The following PTPN14 variants were observed in gnomAD, a reference collection of about 807,000 sequenced individuals.
PTPN14 encodes the protein protein tyrosine phosphatase non-receptor type 14.
Under a neutral mutation model 126.8 loss-of-function variants are expected in PTPN14, and 53 were observed. The ratio of observed to expected loss-of-function variants is 0.42; its 90% CI spans 0.34 to 0.53. PTPN14 has a LOEUF of 0.53. Ranked by LOEUF, PTPN14 falls within the 20% of genes least tolerant of loss-of-function variation. The pLI is 0.08. For synonymous variants in PTPN14, 630 were observed against 599.3 expected, an observed-to-expected ratio of 1.05 and a Z score of -0.75; for missense variants, 1,257 against 1,552.9, an observed-to-expected ratio of 0.81 and a Z score of 3.20.
chr1:214,368,983 GA>G (rs1308271953), intron 17 of PTPN14, among the ~76,000 whole-genome samples: 3 of 152,082 alleles, frequency 2.0e-5, no homozygotes, highest in Non-Finnish European at 4.4e-5. Flanking sequence ...CTCCGCCTCA[GA>G]AAAAAATTTG....
intron 1 of PTPN14, among the ~76,000 whole-genome samples, chr1:214,484,312 G>A (rs1280327663): frequency 1.3e-5 from 2 of 152,234 alleles, no homozygotes; most frequent in African/African-American, 4.8e-5. Context: ...GCTGGGGCAA[G>A]AGAATAGCTT....
intron 1 of PTPN14, among the ~76,000 whole-genome samples, chr1:214,505,746 A>T (rs755167381): frequency 6.6e-6 from 1 of 152,134 alleles, no homozygotes. Flanking sequence ...AACTTTTTAA[A>T]ATTAGCCGAG....
intron 1 of PTPN14, among the ~76,000 whole-genome samples, chr1:214,527,906 T>A (rs1263541804): frequency 1.3e-5 from 2 of 152,226 alleles, no homozygotes; most frequent in Non-Finnish European, 2.9e-5. Context: ...GAAAGAAGAA[T>A]GGTTACAATA....
In PTPN14 at chr1:214,369,594, C is replaced by G; in HGVS notation, c.3134G>C (p.Arg1045Pro). The G allele has an allele frequency of 6.2e-7, 1 of 1,614,140 alleles. No homozygotes were observed. Among genetic ancestry groups the G allele is most frequent in the Non-Finnish European group, 8.5e-7 (1 of 1,180,036 alleles). Residue 1045 changes from arginine to proline, a missense_variant, in exon 17 of 19, where the codon CGA becomes CCA. Around this residue, in one of 3 missense-constraint regions of PTPN14, gnomAD observed 171 missense variants for 229.8 expected, o/e 0.74. Transcript: ENST00000366956. The part of the protein sequence containing the change: ...YGKFKVTTKF[R>P]TDSVCYATTG... ...GGTTGCATAGCAAACAGAATCCGTTCGAAACTTCGTGGTGACCTTGAACTT... is the reference window on the plus strand; with the variant it reads ...GGTTGCATAGCAAACAGAATCCGTTGGAAACTTCGTGGTGACCTTGAACTT...
intron 1 of PTPN14, among the ~76,000 whole-genome samples, chr1:214,522,908 G>T (rs1655294135): frequency 6.6e-6 from 1 of 152,194 alleles, no homozygotes; most frequent in Non-Finnish European, 1.5e-5. Flanking sequence ...GGCAAGATAA[G>T]ACTGAGGAGA....
chr1:214,527,931 AC>A (rs1655441650), intron 1 of PTPN14, among the ~76,000 whole-genome samples: 1 of 152,250 alleles, frequency 6.6e-6, no homozygotes, highest in African/African-American at 2.4e-5. Context: ...AAATAGTAAC[AC>A]TGATAAGCAC....
chr1:214,540,315 G>T (rs17023166), intron 1 of PTPN14, among the ~76,000 whole-genome samples: 5,196 of 152,132 alleles, frequency 0.034, 289 homozygotes, highest in African/African-American at 0.12. Flanking sequence ...CAAAAGAATA[G>T]GCCTAATAGA....
At chr1:214,451,252 C>G (rs529958197) in intron 3 of PTPN14, among the ~76,000 whole-genome samples, 54 of 152,180 alleles carry the variant, frequency 3.5e-4, no homozygotes, top group Non-Finnish European at 1.2e-4. Context: ...CCTTGAACTT[C>G]TGGGCTCAAG....
At chr1:214,519,478 T>C (rs1026652525) in intron 1 of PTPN14, among the ~76,000 whole-genome samples, 6 of 152,154 alleles carry the variant, frequency 3.9e-5, no homozygotes, top group South Asian at 4.1e-4. Context: ...TGCTGGTCCA[T>C]AATATACTGA....
chr1:214,403,002 C>G, intron 5 of PTPN14, 49 bp from the exon 6 acceptor site: 1 of 1,580,288 alleles, frequency 6.3e-7, no homozygotes, highest in Non-Finnish European at 8.7e-7. Flanking sequence ...TGGGCATTTG[C>G]TATTTTGCTT....
intron 1 of PTPN14, among the ~76,000 whole-genome samples, chr1:214,548,266 C>G (rs2102491438): frequency 6.6e-6 from 1 of 152,330 alleles, no homozygotes; most frequent in South Asian, 2.1e-4. Flanking sequence ...CCTGCTCCAG[C>G]ACACTGACAG....
intron 1 of PTPN14, among the ~76,000 whole-genome samples, chr1:214,495,306 T>TA (rs1290074067): frequency 3.3e-5 from 5 of 152,192 alleles, no homozygotes; most frequent in African/African-American, 1.2e-4. Context: ...ATAATGTATA[T>TA]AAAGCACTAT....
intron 3 of PTPN14, among the ~76,000 whole-genome samples, chr1:214,416,849 T>A (rs1284281135): frequency 6.6e-6 from 1 of 152,166 alleles, no homozygotes; most frequent in Non-Finnish European, 1.5e-5. Context: ...GATGACTAAA[T>A]TTGACAACAG....
intron 3 of PTPN14, among the ~76,000 whole-genome samples, chr1:214,435,591 G>A (rs544369467): frequency 2.0e-5 from 3 of 152,042 alleles, no homozygotes; most frequent in Non-Finnish European, 2.9e-5. Flanking sequence ...AGTGGGCAAA[G>A]GACATGAATA....
Position 214,403,011 on chromosome 1 carries a change from T to C in PTPN14, c.511-58A>G, listed in dbSNP as rs55788513. 0.058 allele frequency: 89,947 copies of C among 1,551,704 alleles called. 2,970 individuals are homozygous for C. The highest frequency in any genetic ancestry group is 0.066 in the Non-Finnish European group (74,739 of 1,124,834). On this transcript the variant is annotated intron_variant, in intron 5 of 18. Transcript: ENST00000366956. ...AGGGTGTGGGCATTTGCTATTTTGC[T>C]TGCAAATCTTAAAGCTCCCTTCCTC...
In PTPN14 at chr1:214,406,314, C is replaced by T. The variant is rs923178773; in HGVS notation, c.511-3361G>A. ...CCAACATGGTGAAACTCCATCTCTA[C>T]TAAAAATACAAAAATTAGCCAGGCA... On this transcript the variant is annotated intron_variant, in intron 5 of 18. Transcript: ENST00000366956. Among the ~76,000 whole-genome samples, 6 of 152,036 alleles carry T rather than the reference C, an allele frequency of 3.9e-5. No individual in the cohort carries two copies. In the South Asian group the frequency reaches 8.3e-4, roughly 21 times the overall value.
chr1:214,492,726 G>C (rs1436490962), intron 1 of PTPN14, among the ~76,000 whole-genome samples: 1 of 152,016 alleles, frequency 6.6e-6, no homozygotes, highest in East Asian at 1.9e-4. Flanking sequence ...TGGCCAACAT[G>C]GCAAAACCCC....
intron 1 of PTPN14, among the ~76,000 whole-genome samples, chr1:214,487,584 A>T (rs1661143083): frequency 6.9e-6 from 1 of 145,930 alleles, no homozygotes; most frequent in African/African-American, 2.5e-5. Flanking sequence ...CAACAAGCAG[A>T]GATCACGCCA....
At chr1:214,518,050 G>C (rs1655152686) in intron 1 of PTPN14, among the ~76,000 whole-genome samples, 1 of 152,088 alleles carries the variant, frequency 6.6e-6, no homozygotes, top group Admixed American at 6.5e-5. Flanking sequence ...ACAATGCGTT[G>C]GTATCTTTTC....
Sources: allele counts gnomAD v4.1 joint callset (sites outside exome capture counted in the v4.1 genomes callset), GRCh38; gene constraint gnomAD v4.1.1; regional missense constraint gnomAD v4.1.1; transcripts MANE v1.5; gene names NCBI Gene and HGNC (gene_info 2026-07-23, HGNC 2026-07-21).